Variants in MAP3K15 observed in about 807,000 individuals in gnomAD.
MAP3K15 encodes the protein MAPK/ERK kinase kinase 15.
A neutral mutation model predicts 99.5 loss-of-function variants in MAP3K15; 124 were observed. The observed-to-expected ratio is 1.25, with a 90% CI of 1.08 to 1.45. The LOEUF (loss-of-function observed/expected upper bound fraction) is 1.45. Among genes scored for constraint, MAP3K15 ranks in the 40% most tolerant of loss-of-function variants. The pLI is 0.00. For synonymous variants in MAP3K15, 494 were observed against 439.6 expected, an observed-to-expected ratio of 1.12 and a Z score of -1.55; for missense variants, 1,242 against 1,079.7, an observed-to-expected ratio of 1.15 and a Z score of -2.11.
chrX:19,480,782 T>C lies in MAP3K15; in HGVS notation c.525+5700A>G, dbSNP rs1289251665. On this transcript the variant is annotated intron_variant, in intron 3 of 28. Transcript: ENST00000338883. ...CAGAGGTTGCAGTGAGCGGAGCCTGTGCACTCCAGCCTGGGCTGGAGTGAA... is the reference window on the plus strand; with the variant it reads ...CAGAGGTTGCAGTGAGCGGAGCCTGCGCACTCCAGCCTGGGCTGGAGTGAA... Among the ~76,000 whole-genome samples the C allele has an allele frequency of 3.9e-5, 4 of 102,411 alleles. No individual in the cohort carries two copies. The East Asian group carries it at 1.2e-3, about 32-fold the overall frequency. The allele number at this position is 102,411 out of a possible 115,157, so 88.9% of individuals were successfully genotyped here. A position where few individuals can be genotyped will look rare whatever the true frequency, so the allele number is the denominator to read the frequency against.
chrX:19,430,537 C>T (rs918104477), intron 7 of MAP3K15, among the ~76,000 whole-genome samples: 1 of 111,951 alleles, frequency 8.9e-6, no homozygotes, highest in Non-Finnish European at 1.9e-5. Context: ...TGTTACGCAG[C>T]AAGTGATAGC....
intron 3 of MAP3K15, 31 bp from the exon 4 acceptor site, chrX:19,464,437 A>G (rs1326189608): frequency 3.6e-6 from 4 of 1,119,507 alleles, no homozygotes; most frequent in East Asian, 6.2e-5. Context: ...TGTTCCAGAA[A>G]GTAACTTATG....
intron 6 of MAP3K15, among the ~76,000 whole-genome samples, chrX:19,437,702 T>G (rs769948992): frequency 8.9e-6 from 1 of 112,029 alleles, no homozygotes; most frequent in Non-Finnish European, 1.9e-5. Flanking sequence ...CATTTTAGAA[T>G]GCAAGCTCCG....
chrX:19,361,164 T>C (rs2063281265), intron 28 of MAP3K15, 175 bp downstream of exon 28: 1 of 441,039 alleles, frequency 2.3e-6, no homozygotes, highest in African/African-American at 2.4e-5. Context: ...GTCACATTCC[T>C]ATTTCTGACT....
chrX:19,455,490 G>A (rs1349564280), intron 6 of MAP3K15, among the ~76,000 whole-genome samples: 1 of 98,739 alleles, frequency 1.0e-5, no homozygotes, highest in Non-Finnish European at 2.0e-5. Context: ...GAGACTACAA[G>A]CACAAGCCAT....
At chrX:19,380,544 G>C (rs970244804) in intron 18 of MAP3K15, among the ~76,000 whole-genome samples, 5 of 102,063 alleles carry the variant, frequency 4.9e-5, no homozygotes, top group Admixed American at 1.1e-4. Context: ...TTTTTTTTTT[G>C]AGACAGAGTC....
intron 1 of MAP3K15, among the ~76,000 whole-genome samples, chrX:19,501,224 G>A (rs946318313): frequency 1.8e-5 from 2 of 111,806 alleles, no homozygotes; most frequent in African/African-American, 6.5e-5. Flanking sequence ...AGGGAGAAAG[G>A]GAGAAGGCTT....
At chrX:19,514,051 C>T (rs1245029107) in intron 1 of MAP3K15, among the ~76,000 whole-genome samples, 3 of 111,320 alleles carry the variant, frequency 2.7e-5, no homozygotes, top group African/African-American at 9.8e-5. Flanking sequence ...ACTCCACCGT[C>T]AGTGTTTTGG....
chrX:19,380,533 T>G (rs959482836), intron 18 of MAP3K15, among the ~76,000 whole-genome samples: 3 of 108,707 alleles, frequency 2.8e-5, no homozygotes, highest in African/African-American at 9.9e-5. Context: ...GGTTGCTTCT[T>G]TTTTTTTTTT....
intron 1 of MAP3K15, among the ~76,000 whole-genome samples, chrX:19,501,303 A>G (rs113079329): frequency 5.4e-5 from 6 of 112,036 alleles, no homozygotes; most frequent in African/African-American, 1.9e-4. Context: ...ATTCTAGAAA[A>G]TAACATACAG....
chrX:19,428,535 G>C (rs369902309), intron 7 of MAP3K15, among the ~76,000 whole-genome samples: 1 of 66,437 alleles, frequency 1.5e-5, no homozygotes, highest in African/African-American at 5.7e-5. Flanking sequence ...TGGTGGAAGG[G>C]AATAAGATCT....
chrX:19,491,290 A>C (rs2064367041), intron 1 of MAP3K15, among the ~76,000 whole-genome samples: 1 of 111,235 alleles, frequency 9.0e-6, no homozygotes, highest in African/African-American at 3.3e-5. Context: ...ACTACAATAC[A>C]ATGTGGGTAA....
Position 19,360,795 on chromosome X carries a change from TG to T in MAP3K15, c.3895del (p.Gln1299SerfsTer56). 1 of 1,209,920 alleles carries T rather than the reference TG, an allele frequency of 8.3e-7. No individual in the cohort carries two copies. Among genetic ancestry groups the T allele is most frequent in the South Asian group, 1.8e-5 (1 of 56,732 alleles). On this transcript the variant is annotated frameshift_variant, in exon 29 of 29. Coordinates refer to ENST00000338883, the MANE Select transcript of MAP3K15 (RefSeq NM_001001671.4). LOFTEE classifies it low-confidence loss of function (END_TRUNC). ...TGAGGCCTCCTGAGCCCTTCTGTAC[TG>T]GGAGACCGCACTCCAGAGTCTGCAG... ...LLCRLWSAVS[Q>X]YRRAQEASET...
chrX:19,425,317 A>C (rs1231605118), intron 9 of MAP3K15, among the ~76,000 whole-genome samples: 1 of 111,639 alleles, frequency 9.0e-6, no homozygotes, highest in African/African-American at 3.3e-5. Context: ...TAGAAGGCCT[A>C]ATCTCAGGGG....
intron 3 of MAP3K15, chrX:19,466,542 A>G (rs1412655478): frequency 8.9e-6 from 1 of 112,046 alleles, no homozygotes; most frequent in Admixed American, 9.5e-5. Flanking sequence ...TTCCACCATG[A>G]TTGTAAGTTT....
At position 19,398,226 on chromosome X, in the gene MAP3K15, C is replaced by CT; in HGVS notation, c.2065dup (p.Arg689LysfsTer17). The CT allele has an allele frequency of 8.3e-7, 1 of 1,211,326 alleles. No homozygotes were observed. Among genetic ancestry groups the CT allele is most frequent in the Non-Finnish European group, 1.1e-6 (1 of 895,340 alleles). ...ATGCGGAAGGCCCGCCTGGACTTGC[C>CT]TGCTATCTCTCTCCGGGATTTCTTT... On this transcript the variant is annotated frameshift_variant and splice_region_variant, in exon 15 of 29. Coordinates refer to ENST00000338883, the MANE Select transcript of MAP3K15 (RefSeq NM_001001671.4). LOFTEE classifies it high-confidence loss of function.
chrX:19,415,361 C>G, intron 9 of MAP3K15, 104 bp from the exon 10 acceptor site: 1 of 747,841 alleles, frequency 1.3e-6, no homozygotes, highest in South Asian at 3.5e-5. Flanking sequence ...CACTTAAATT[C>G]ATATTATGTC....
intron 3 of MAP3K15, among the ~76,000 whole-genome samples, chrX:19,485,152 T>C (rs759505006): frequency 8.4e-5 from 9 of 107,761 alleles, no homozygotes; most frequent in Non-Finnish European, 1.7e-4. Flanking sequence ...CTACTAAAAG[T>C]ACAAAAATTA....
intron 5 of MAP3K15, among the ~76,000 whole-genome samples, chrX:19,458,143 G>GCC (rs1309547931): frequency 1.8e-5 from 2 of 112,140 alleles, no homozygotes; most frequent in African/African-American, 6.5e-5. Context: ...GAAATGCCAT[G>GCC]CCTGTCCTGT....
Sources: allele counts gnomAD v4.1 joint callset (sites outside exome capture counted in the v4.1 genomes callset), GRCh38; gene constraint gnomAD v4.1.1; transcripts MANE v1.5; gene names NCBI Gene and HGNC (gene_info 2026-07-23, HGNC 2026-07-21).